Variants in PDE10A observed in about 807,000 individuals in gnomAD.
PDE10A encodes the protein cAMP and cAMP-inhibited cGMP 3',5'-cyclic phosphodiesterase 10A.
In PDE10A, 39 loss-of-function variants were observed where a neutral mutation model predicts 97.7. The ratio of observed to expected loss-of-function variants is 0.40; its 90% CI spans 0.31 to 0.52. The LOEUF (loss-of-function observed/expected upper bound fraction) is 0.52, where lower values mean the gene tolerates loss of function less well. Among genes scored for constraint, PDE10A ranks in the 20% least tolerant of loss-of-function variants. PDE10A has a pLI of 0.56. For synonymous variants in PDE10A, 371 were observed against 376.8 expected (o/e 0.98, Z 0.18); for missense variants, 731 against 1,047.8 (o/e 0.70, Z 4.17).
At chr6:165,830,643 A>G (rs879862194) in intron 1 of PDE10A, among the ~76,000 whole-genome samples, 7 of 152,194 alleles carry the variant, frequency 4.6e-5, no homozygotes, top group Admixed American at 4.6e-4. Flanking sequence ...CAGGGCCTCC[A>G]GGTCCTGTTT....
chr6:165,471,939 G>C (rs1191347931), intron 3 of PDE10A, among the ~76,000 whole-genome samples: 1 of 152,034 alleles, frequency 6.6e-6, no homozygotes, highest in Admixed American at 6.5e-5. Context: ...TTAATTTAAT[G>C]CTTTTTTCTC....
rs555454188 is a variant in PDE10A at position 165,431,112 on chromosome 6, G to A, written c.1542+310C>T. ...ATCAATGCAACTCCAGTAGGAGATT[G>A]TTCCTAGGTTTTCAGTGGAAAACAA... On this transcript the variant is annotated intron_variant, in intron 8 of 21. Transcript: ENST00000539869. Among the ~76,000 whole-genome samples the A allele has an allele frequency of 1.7e-3, 253 of 152,138 alleles. 1 individual carries two copies. The highest frequency in any genetic ancestry group is 5.6e-3 in the African/African-American group (234 of 41,522).
intron 1 of PDE10A, among the ~76,000 whole-genome samples, chr6:165,792,010 G>A (rs771225343): frequency 3.9e-5 from 6 of 152,134 alleles, no homozygotes; most frequent in Non-Finnish European, 8.8e-5. Flanking sequence ...GGAATCGATC[G>A]GCTGGTCCTG....
chr6:165,927,973 A>G (rs965097957), intron 1 of PDE10A, among the ~76,000 whole-genome samples: 1 of 151,018 alleles, frequency 6.6e-6, no homozygotes, highest in East Asian at 1.9e-4. Flanking sequence ...ATGGGATTAC[A>G]GGCGTGAGCC....
At chr6:165,887,141 A>G (rs1356011814) in intron 1 of PDE10A, among the ~76,000 whole-genome samples, 1 of 152,222 alleles carries the variant, frequency 6.6e-6, no homozygotes, top group East Asian at 1.9e-4. Context: ...CTGAAGAGAC[A>G]ATTAGTGAAC....
chr6:165,470,396 G>C (rs1348568034), intron 3 of PDE10A, among the ~76,000 whole-genome samples: 2 of 152,166 alleles, frequency 1.3e-5, no homozygotes, highest in African/African-American at 4.8e-5. Context: ...GAAACTTATT[G>C]AAAATTGCTG....
chr6:165,822,192 A>G (rs527239235), intron 1 of PDE10A, among the ~76,000 whole-genome samples: 13 of 152,266 alleles, frequency 8.5e-5, no homozygotes, highest in Admixed American at 8.5e-4. Flanking sequence ...GTGCATTTAC[A>G]CACACCTGGA....
chr6:165,765,849 A>G (rs916168915), intron 1 of PDE10A, among the ~76,000 whole-genome samples: 3 of 152,182 alleles, frequency 2.0e-5, no homozygotes, highest in African/African-American at 7.2e-5. Flanking sequence ...GTCACCTCTC[A>G]TTGGGAAGAT....
rs1326067882 is a variant in PDE10A, at chr6:165,619,484, G to GTAGTC, written c.865+42458_865+42462dup. On this transcript the variant is annotated intron_variant, in intron 1 of 21. Coordinates refer to ENST00000539869, the MANE Select transcript of PDE10A (RefSeq NM_001385079.1). ...GTAGTCTAGTGTAGTGTAGTCTAGT[G>GTAGTC]TAGTCTAGTGTAGTCTAGTGTAGTG... Among the ~76,000 whole-genome samples the GTAGTC allele has an allele frequency of 4.7e-4, 35 of 74,408 alleles. 17 individuals carry two copies. Among genetic ancestry groups the GTAGTC allele is most frequent in the African/African-American group, 1.6e-3 (34 of 21,800 alleles). 48.8% of individuals were successfully genotyped at this position (74,408 alleles called of 152,430 possible). A position where few individuals can be genotyped will look rare whatever the true frequency, so the allele number is the denominator to read the frequency against.
chr6:165,420,152 C>G (rs1485229051), intron 10 of PDE10A, among the ~76,000 whole-genome samples: 1 of 152,200 alleles, frequency 6.6e-6, no homozygotes, highest in Admixed American at 6.5e-5. Flanking sequence ...CAGAACAAGG[C>G]TGAGTTAGGG....
intron 1 of PDE10A, among the ~76,000 whole-genome samples, chr6:165,629,621 C>A (rs1005442044): frequency 7.3e-5 from 11 of 151,634 alleles, no homozygotes; most frequent in African/African-American, 2.7e-4. Context: ...GAAACCTCCA[C>A]CTGCCAGGCT....
At chr6:165,719,341 C>A (rs1022257813) in intron 1 of PDE10A, among the ~76,000 whole-genome samples, 3 of 152,070 alleles carry the variant, frequency 2.0e-5, no homozygotes, top group Non-Finnish European at 4.4e-5. Flanking sequence ...AAACAGAACC[C>A]AAGAGTGCCC....
At chr6:165,875,708 G>C (rs1482005711) in intron 1 of PDE10A, among the ~76,000 whole-genome samples, 2 of 141,236 alleles carry the variant, frequency 1.4e-5, no homozygotes, top group Non-Finnish European at 3.0e-5. Context: ...TTGGGTTTCT[G>C]ATAGGACTTA....
intron 1 of PDE10A, among the ~76,000 whole-genome samples, chr6:165,724,165 C>T (rs1411417689): frequency 6.6e-6 from 1 of 152,152 alleles, no homozygotes; most frequent in East Asian, 1.9e-4. Flanking sequence ...CGTCTTTGCC[C>T]TTTACTTACT....
intron 1 of PDE10A, among the ~76,000 whole-genome samples, chr6:165,890,280 A>G (rs1038565919): frequency 6.6e-6 from 1 of 152,108 alleles, no homozygotes; most frequent in Non-Finnish European, 1.5e-5. Context: ...GATGGCAGCA[A>G]TCACTGGAAA....
rs574451832 is a variant in PDE10A, at chr6:165,568,149, C to T, written c.866-24581G>A. The stretch of plus-strand genomic sequence containing the variant: ...GAGTAGCTGGGACTACAAGCGCCCG[C>T]CACCACGCCTGGCTAATTTTTTTGT... On this transcript the variant is annotated intron_variant, in intron 1 of 21. Coordinates refer to ENST00000539869, the MANE Select transcript of PDE10A (RefSeq NM_001385079.1). Among the ~76,000 whole-genome samples, 162 of 152,186 alleles carry T rather than the reference C, an allele frequency of 1.1e-3. 1 individual carries two copies. Among genetic ancestry groups the T allele is most frequent in the African/African-American group, 3.7e-3 (153 of 41,528 alleles).
At chr6:165,588,387 T>G (rs886452368) in intron 1 of PDE10A, among the ~76,000 whole-genome samples, 1 of 146,212 alleles carries the variant, frequency 6.8e-6, no homozygotes, top group Non-Finnish European at 1.5e-5. Flanking sequence ...ACCTCCTAGG[T>G]TCAAGCAATT....
chr6:165,406,027 C>T (rs62443765), intron 13 of PDE10A, among the ~76,000 whole-genome samples: 4 of 151,760 alleles, frequency 2.6e-5, no homozygotes, highest in Non-Finnish European at 2.9e-5. Flanking sequence ...AACAAATGTC[C>T]ATGTCAGTTA....
intron 1 of PDE10A, among the ~76,000 whole-genome samples, chr6:165,858,620 G>A (rs566324743): frequency 6.6e-6 from 1 of 152,352 alleles, no homozygotes; most frequent in African/African-American, 2.4e-5. Flanking sequence ...CTCATCTGAT[G>A]TAGACTTCTG....
Sources: allele counts gnomAD v4.1 joint callset (sites outside exome capture counted in the v4.1 genomes callset), GRCh38; gene constraint gnomAD v4.1.1; transcripts MANE v1.5; gene names NCBI Gene and HGNC (gene_info 2026-07-23, HGNC 2026-07-21).